AKAP19: variants seen among roughly 807,000 people sequenced by gnomAD.
AKAP19 encodes small A-kinase anchoring protein.
At chr2:190,034,583 G>A in the AKAP19 span, among the ~76,000 whole-genome samples, 1 of 135,886 alleles carries the variant, frequency 7.4e-6, no homozygotes, top group Admixed American at 7.8e-5. Context: ...AGTGACTCAC[G>A]CCTGTAACCC....
At chr2:190,022,306 C>A in the AKAP19 span, among the ~76,000 whole-genome samples, 2 of 152,090 alleles carry the variant, frequency 1.3e-5, no homozygotes, top group East Asian at 3.9e-4. Context: ...AGATCATATA[C>A]GGATTGGCAG....
At chr2:190,199,864 G>A in the AKAP19 span, 1 of 1,613,320 alleles carries the variant, frequency 6.2e-7, no homozygotes, top group South Asian at 1.1e-5. Flanking sequence ...TCATAACATG[G>A]GCTGCATGAA....
the AKAP19 span, chr2:190,200,131 G>A: frequency 6.2e-7 from 1 of 1,613,748 alleles, no homozygotes; most frequent in Admixed American, 1.7e-5. Context: ...TCCATACATT[G>A]AGAGTGAGGG....
At chr2:190,202,777 T>C in the AKAP19 span, 7 of 167,206 alleles carry the variant, frequency 4.2e-5, no homozygotes, top group East Asian at 1.2e-3. Context: ...GGTGGCAACA[T>C]GGAAGCAGGT....
chr2:190,193,297 T>TCA, the AKAP19 span, among the ~76,000 whole-genome samples: 1 of 152,306 alleles, frequency 6.6e-6, no homozygotes, highest in Non-Finnish European at 1.5e-5. Context: ...ATAAATCCAC[T>TCA]CAGTCATCAT....
the AKAP19 span, among the ~76,000 whole-genome samples, chr2:189,962,185 C>T: frequency 6.6e-6 from 1 of 152,016 alleles, no homozygotes; most frequent in Non-Finnish European, 1.5e-5. Flanking sequence ...TACATAAATA[C>T]TTACCATTGT....
the AKAP19 span, among the ~76,000 whole-genome samples, chr2:190,035,817 G>A: frequency 6.6e-6 from 1 of 152,184 alleles, no homozygotes; most frequent in African/African-American, 2.4e-5. Context: ...TTTACCAGGC[G>A]ATAGATAGTT....
the AKAP19 span, among the ~76,000 whole-genome samples, chr2:190,160,746 A>AC: frequency 1.3e-5 from 2 of 152,140 alleles, no homozygotes; most frequent in East Asian, 3.8e-4. Context: ...AAAGACAGAT[A>AC]CTAAATATTA....
At chr2:190,070,614 T>TCCCCC in the AKAP19 span, among the ~76,000 whole-genome samples, 1 of 119,060 alleles carries the variant, frequency 8.4e-6, no homozygotes, top group African/African-American at 3.1e-5. Flanking sequence ...TCCCTCTCTC[T>TCCCCC]CCCCCCCCCC....
At chr2:190,047,173 C>T in the AKAP19 span, among the ~76,000 whole-genome samples, 1 of 152,156 alleles carries the variant, frequency 6.6e-6, no homozygotes, top group Non-Finnish European at 1.5e-5. Flanking sequence ...ACTCACTGCC[C>T]AAGACCCTAT....
the AKAP19 span, among the ~76,000 whole-genome samples, chr2:189,944,222 G>C: frequency 6.6e-6 from 1 of 152,106 alleles, no homozygotes; most frequent in Non-Finnish European, 1.5e-5. Context: ...TAGGTGTTTG[G>C]CTCATAGGGG....
chr2:190,021,299 G>A, the AKAP19 span, among the ~76,000 whole-genome samples: 1 of 152,024 alleles, frequency 6.6e-6, no homozygotes, highest in South Asian at 2.1e-4. Flanking sequence ...TGTATATTTT[G>A]TTGAACATAA....
At chr2:190,071,738 T>C in the AKAP19 span, among the ~76,000 whole-genome samples, 1 of 152,090 alleles carries the variant, frequency 6.6e-6, no homozygotes, top group African/African-American at 2.4e-5. Context: ...ATTTCTAAAT[T>C]AAACTTTTAT....
At chr2:190,131,291 T>C in the AKAP19 span, among the ~76,000 whole-genome samples, 1 of 152,208 alleles carries the variant, frequency 6.6e-6, no homozygotes, top group African/African-American at 2.4e-5. Flanking sequence ...TTCACTCTTC[T>C]ATTCCCCATT....
At chr2:190,032,042 G>T in the AKAP19 span, among the ~76,000 whole-genome samples, 1 of 152,074 alleles carries the variant, frequency 6.6e-6, no homozygotes, top group Non-Finnish European at 1.5e-5. Flanking sequence ...TCTTATGGAT[G>T]ATTATATATG....
the AKAP19 span, chr2:189,923,712 A>G: frequency 6.2e-7 from 1 of 1,613,708 alleles, no homozygotes; most frequent in East Asian, 2.2e-5. Context: ...ATGTACAGTT[A>G]CCCAGCACGT....
the AKAP19 span, among the ~76,000 whole-genome samples, chr2:190,133,085 A>C: frequency 6.6e-6 from 1 of 152,012 alleles, no homozygotes; most frequent in East Asian, 1.9e-4. Flanking sequence ...AAATACAAAA[A>C]AAATTAGCCG....
chr2:189,969,882 T>TTG, the AKAP19 span, among the ~76,000 whole-genome samples: 1 of 145,792 alleles, frequency 6.9e-6, no homozygotes, highest in Non-Finnish European at 1.5e-5. Context: ...TTTTTTTTTT[T>TTG]TTTTTTTGAG....
the AKAP19 span, among the ~76,000 whole-genome samples, chr2:190,103,156 A>G: frequency 6.6e-6 from 1 of 152,192 alleles, no homozygotes; most frequent in Non-Finnish European, 1.5e-5. Flanking sequence ...ACTGAAAAAA[A>G]CCCTCAGCAA....
Sources: allele counts gnomAD v4.1 joint callset (sites outside exome capture counted in the v4.1 genomes callset), GRCh38; gene constraint gnomAD v4.1.1; transcripts MANE v1.5; gene names NCBI Gene and HGNC (gene_info 2026-07-23, HGNC 2026-07-21).